Variants in LPP observed in about 807,000 individuals in gnomAD.
LPP encodes the protein LIM domain containing preferred translocation partner in lipoma.
Under a neutral mutation model 60.4 loss-of-function variants are expected in LPP, and 38 were observed. The ratio of observed to expected loss-of-function variants is 0.63; its 90% CI spans 0.49 to 0.83. LPP has a LOEUF of 0.83. Among genes scored for constraint, LPP ranks in the 40% least tolerant of loss-of-function variants. The pLI, the probability that LPP is intolerant of heterozygous loss-of-function variation, is 0.00. For missense variants in LPP, 902 were observed against 783.6 expected (o/e 1.15, Z -1.80); for synonymous variants, 328 against 290.8 (o/e 1.13, Z -1.30).
chr3:188,790,595 C>T (rs909725350), intron 9 of LPP, among the ~76,000 whole-genome samples: 2 of 151,930 alleles, frequency 1.3e-5, no homozygotes, highest in Admixed American at 6.6e-5. Flanking sequence ...CTTTGGGAGG[C>T]GAATCACCTG....
chr3:188,845,782 A>G lies in LPP; in HGVS notation c.1411-20418A>G, dbSNP rs576991417. ...CTGTGACCTTGGGACAAGTGGATTCACAAACAAGCTGAAGGAGATCATATC... is the reference window on the plus strand; with the variant it reads ...CTGTGACCTTGGGACAAGTGGATTCGCAAACAAGCTGAAGGAGATCATATC... On this transcript the variant is annotated intron_variant, in intron 9 of 11. Coordinates refer to ENST00000617246, the MANE Select transcript of LPP (RefSeq NM_001375462.1). 2.6e-5 allele frequency among the ~76,000 whole-genome samples: 4 copies of G among 152,338 alleles called. No homozygotes were observed. The South Asian group carries it at 8.3e-4, about 32-fold the overall frequency.
intron 5 of LPP, among the ~76,000 whole-genome samples, chr3:188,503,745 A>G (rs1273713775): frequency 3.3e-5 from 5 of 150,704 alleles, no homozygotes; most frequent in Admixed American, 1.3e-4. Context: ...TCCTTTTAGC[A>G]CTTTGAATAT....
intron 4 of LPP, among the ~76,000 whole-genome samples, chr3:188,412,245 C>T (rs1785086728): frequency 6.6e-6 from 1 of 151,984 alleles, no homozygotes; most frequent in African/African-American, 2.4e-5. Flanking sequence ...ATATAATAAC[C>T]TTTACCTTTT....
intron 6 of LPP, among the ~76,000 whole-genome samples, chr3:188,548,267 G>C (rs138710903): frequency 1.2e-3 from 177 of 152,156 alleles, no homozygotes; most frequent in African/African-American, 4.1e-3. Context: ...CTTGTGCCAC[G>C]GTTTCCATTC....
rs116006340 is a variant in LPP, at chr3:188,612,793, A to G, written c.1113+2949A>G. Among the ~76,000 whole-genome samples, 1,309 of 152,336 alleles carry G rather than the reference A, an allele frequency of 8.6e-3. 18 individuals are homozygous for G. Among genetic ancestry groups the G allele is most frequent in the African/African-American group, 0.029 (1,222 of 41,574 alleles). On this transcript the variant is annotated intron_variant, in intron 7 of 11. Transcript: ENST00000617246. ...GGAAAAAGTTTAAAAGATGAAATAAATAAATCTCCCTTATATTTGAGATGA... is the reference window on the plus strand; with the variant it reads ...GGAAAAAGTTTAAAAGATGAAATAAGTAAATCTCCCTTATATTTGAGATGA...
chr3:188,557,198 C>A (rs888602026), intron 6 of LPP, among the ~76,000 whole-genome samples: 2 of 151,900 alleles, frequency 1.3e-5, no homozygotes, highest in African/African-American at 2.4e-5. Flanking sequence ...CATCTTCAGA[C>A]GTGCCTTCAT....
intron 6 of LPP, among the ~76,000 whole-genome samples, chr3:188,553,100 A>T (rs1828593816): frequency 6.6e-6 from 1 of 152,186 alleles, no homozygotes; most frequent in African/African-American, 2.4e-5. Flanking sequence ...AGGAATATTT[A>T]ATCTATAATG....
In LPP at chr3:188,748,430, C is replaced by T. The variant is rs181122079; in HGVS notation, c.1241-11683C>T. Among the ~76,000 whole-genome samples, 416 of 152,252 alleles carry T rather than the reference C, an allele frequency of 2.7e-3. 3 individuals are homozygous for T. Among genetic ancestry groups the T allele is most frequent in the Middle Eastern group, 0.01 (3 of 294 alleles). ...ACATGTGGTGCAGCTTGAATCAAAA[C>T]TCAATTCTTCTATCCACAGATTTAC... is the stretch of plus-strand genomic sequence containing the variant. On this transcript the variant is annotated intron_variant, in intron 8 of 11. Transcript: ENST00000617246.
intron 2 of LPP, among the ~76,000 whole-genome samples, chr3:188,244,530 C>T (rs1481298659): frequency 2.0e-5 from 3 of 152,174 alleles, no homozygotes; most frequent in African/African-American, 7.2e-5. Context: ...TTCATCAAAG[C>T]AATTAGAAGA....
intron 2 of LPP, among the ~76,000 whole-genome samples, chr3:188,318,710 A>G (rs1284277760): frequency 6.6e-6 from 1 of 151,776 alleles, no homozygotes; most frequent in East Asian, 1.9e-4. Context: ...GTGTTGAAGA[A>G]AAACTAACTT....
intron 8 of LPP, chr3:188,710,647 T>C (rs1367522516): frequency 6.6e-6 from 1 of 152,116 alleles, no homozygotes; most frequent in Non-Finnish European, 1.5e-5. Context: ...GGGTCTAAAA[T>C]ACATTTTTTA....
At chr3:188,218,960 T>C (rs1455201737) in intron 1 of LPP, among the ~76,000 whole-genome samples, 1 of 151,196 alleles carries the variant, frequency 6.6e-6, no homozygotes, top group Non-Finnish European at 1.5e-5. Flanking sequence ...GGAATACAGC[T>C]CAATTTTCAA....
At chr3:188,622,174 G>A (rs757822102) in intron 7 of LPP, among the ~76,000 whole-genome samples, 1 of 152,142 alleles carries the variant, frequency 6.6e-6, no homozygotes, top group Non-Finnish European at 1.5e-5. Context: ...AATGGTATCT[G>A]TTTTTGCAGA....
chr3:188,708,343 C>T lies in LPP; in HGVS notation c.1190C>T (p.Thr397Ile). Reference sequence around the variant, plus strand: ...CCAGAGGATGAGCTTGAGCACCTGACCAAAAAGATGCTGTATGACATGGAA... The same window carrying T: ...CCAGAGGATGAGCTTGAGCACCTGATCAAAAAGATGCTGTATGACATGGAA... ...FRPEDELEHL[T>I]KKMLYDMENP... Residue 397 changes from threonine to isoleucine, a missense_variant, in exon 8 of 12, where the codon ACC becomes ATC. Coordinates refer to ENST00000617246, the MANE Select transcript of LPP (RefSeq NM_001375462.1). 1 of 1,614,088 alleles carries T rather than the reference C, an allele frequency of 6.2e-7. No individual in the cohort carries two copies. The highest frequency in any genetic ancestry group is 8.5e-7 in the Non-Finnish European group (1 of 1,180,002).
At position 188,182,117 on chromosome 3, in the gene LPP, C is replaced by T. The variant is rs1052017252; in HGVS notation, c.-190+27865C>T. On this transcript the variant is annotated intron_variant, in intron 1 of 11. Transcript: ENST00000617246. The surrounding 1 kb of genome is among the most constrained non-coding windows in gnomAD (Gnocchi z 4.4). Reference sequence around the variant, plus strand: ...TCCTCGTGAGTCTTTCCAGCCTCAGCACATTTCCTGAGTGGTGCTTAATAG... The same window carrying T: ...TCCTCGTGAGTCTTTCCAGCCTCAGTACATTTCCTGAGTGGTGCTTAATAG... Among the ~76,000 whole-genome samples, 4 of 152,220 alleles carry T rather than the reference C, an allele frequency of 2.6e-5. No individual in the cohort carries two copies. The highest frequency in any genetic ancestry group is 9.6e-5 in the African/African-American group (4 of 41,458).
chr3:188,159,121 G>A (rs955705449), intron 1 of LPP, among the ~76,000 whole-genome samples: 4 of 151,790 alleles, frequency 2.6e-5, no homozygotes, highest in Non-Finnish European at 5.9e-5. Context: ...TAGAGAGGCA[G>A]TTAGGGTCAT....
intron 2 of LPP, among the ~76,000 whole-genome samples, chr3:188,325,328 A>T (rs1358703454): frequency 6.6e-6 from 1 of 152,096 alleles, no homozygotes; most frequent in Non-Finnish European, 1.5e-5. Flanking sequence ...TAATCTGTAG[A>T]CACACTGACC....
chr3:188,725,465 A>T (rs1718034989), intron 8 of LPP: 1 of 152,228 alleles, frequency 6.6e-6, no homozygotes, highest in African/African-American at 2.4e-5. Flanking sequence ...TCACTTTCGA[A>T]GTCAAGAGGT....
chr3:188,835,531 A>G (rs955680931), intron 9 of LPP, among the ~76,000 whole-genome samples: 12 of 152,028 alleles, frequency 7.9e-5, no homozygotes, highest in Non-Finnish European at 1.6e-4. Flanking sequence ...AGGCAGGAGA[A>G]TCACTCGAAC....
Sources: allele counts gnomAD v4.1 joint callset (sites outside exome capture counted in the v4.1 genomes callset), GRCh38; gene constraint gnomAD v4.1.1; non-coding constraint Gnocchi (gnomAD v3.1); transcripts MANE v1.5; gene names NCBI Gene and HGNC (gene_info 2026-07-23, HGNC 2026-07-21).